The following SWAP70 variants were observed in gnomAD, a reference collection of about 807,000 sequenced individuals.
The protein encoded by SWAP70 is switching B cell complex subunit SWAP70.
Under a neutral mutation model 80.2 loss-of-function variants are expected in SWAP70, and 34 were observed. The ratio of observed to expected loss-of-function variants is 0.42; its 90% CI spans 0.32 to 0.56. SWAP70 has a LOEUF of 0.56. Among genes scored for constraint, SWAP70 ranks in the 20% least tolerant of loss-of-function variants. The pLI is 0.09. For synonymous variants in SWAP70, 239 were observed against 238.5 expected, an observed-to-expected ratio of 1.00 and a Z score of -0.02; for missense variants, 578 against 690.7, an observed-to-expected ratio of 0.84 and a Z score of 1.83.
At chr11:9,702,368 C>T (rs1253962955) in intron 2 of SWAP70, among the ~76,000 whole-genome samples, 3 of 147,594 alleles carry the variant, frequency 2.0e-5, no homozygotes, top group South Asian at 2.1e-4. Context: ...GTTATTTTTT[C>T]GTTCATTGTT....
At chr11:9,743,507 G>C (rs1851469926) in intron 9 of SWAP70, among the ~76,000 whole-genome samples, 1 of 151,228 alleles carries the variant, frequency 6.6e-6, no homozygotes, top group South Asian at 2.1e-4. Flanking sequence ...CTAGTTTACA[G>C]TCCCACCAAC....
intron 9 of SWAP70, among the ~76,000 whole-genome samples, chr11:9,746,364 T>C (rs1230610432): frequency 1.3e-5 from 2 of 152,180 alleles, no homozygotes; most frequent in African/African-American, 2.4e-5. Flanking sequence ...CTCCATACTT[T>C]TACCACTAGA....
chr11:9,711,895 C>T (rs1851003485), intron 2 of SWAP70, among the ~76,000 whole-genome samples: 1 of 152,180 alleles, frequency 6.6e-6, no homozygotes, highest in Admixed American at 6.5e-5. Context: ...CTTAGTTATA[C>T]CACCCTCCAG....
At chr11:9,672,040 ATT>A (rs1442019964) in intron 1 of SWAP70, among the ~76,000 whole-genome samples, 1 of 122,374 alleles carries the variant, frequency 8.2e-6, no homozygotes, top group Non-Finnish European at 1.6e-5. Context: ...TTAATAATAT[ATT>A]TTATATAATA....
At chr11:9,684,046 A>G (rs1850601179) in intron 1 of SWAP70, among the ~76,000 whole-genome samples, 1 of 151,766 alleles carries the variant, frequency 6.6e-6, no homozygotes, top group Non-Finnish European at 1.5e-5. Flanking sequence ...ATTTCTGTAT[A>G]TTTTAATGAC....
chr11:9,720,267 A>G (rs913416795), intron 3 of SWAP70: 31 of 985,294 alleles, frequency 3.1e-5, no homozygotes, highest in Non-Finnish European at 3.5e-5. Flanking sequence ...TGTCTGGCAC[A>G]GTCACTGGGA....
intron 9 of SWAP70, among the ~76,000 whole-genome samples, chr11:9,747,106 T>A (rs767699811): frequency 6.6e-6 from 1 of 152,244 alleles, no homozygotes; most frequent in Admixed American, 6.5e-5. Flanking sequence ...GTTAGTTTAT[T>A]TAAACAACTA....
At chr11:9,694,032 A>T in intron 1 of SWAP70, 114 bp from the exon 2 acceptor site, 2 of 1,314,398 alleles carry the variant, frequency 1.5e-6, no homozygotes, top group Admixed American at 5.4e-5. Context: ...TGTTTTTGCT[A>T]GTTTATTTTC....
rs570435376 is a variant in SWAP70, at chr11:9,727,840, G to A, written c.643-213G>A. 1.7e-3 allele frequency among the ~76,000 whole-genome samples: 264 copies of A among 152,274 alleles called. 1 individual carries two copies. The highest frequency in any genetic ancestry group is 3.5e-3 in the African/African-American group (147 of 41,550). ...ACTTTGGGGAGGGGTTGTCTCTGAAGTGTCTGAAATTATATGCAAATTTTT... is the reference window on the plus strand; with the variant it reads ...ACTTTGGGGAGGGGTTGTCTCTGAAATGTCTGAAATTATATGCAAATTTTT... On this transcript the variant is annotated intron_variant, in intron 4 of 11. Coordinates refer to ENST00000318950, the MANE Select transcript of SWAP70 (RefSeq NM_015055.4).
intron 3 of SWAP70, among the ~76,000 whole-genome samples, chr11:9,714,060 C>T (rs1851033983): frequency 6.6e-6 from 1 of 152,104 alleles, no homozygotes; most frequent in African/African-American, 2.4e-5. Context: ...TTTCAAAGTC[C>T]AGGGTGATGA....
At position 9,750,823 on chromosome 11, in the gene SWAP70, T is replaced by G. The variant is rs889283330; in HGVS notation, c.*853T>G. On this transcript the variant is annotated 3_prime_UTR_variant, in exon 12 of 12. Coordinates refer to ENST00000318950, the MANE Select transcript of SWAP70 (RefSeq NM_015055.4). ...AAGTCATGGAGTCATTGCCATTTCCTGGTTGCCCTTTTGGAATGTGATCCT... is the reference window on the plus strand; with the variant it reads ...AAGTCATGGAGTCATTGCCATTTCCGGGTTGCCCTTTTGGAATGTGATCCT... 2 of 152,264 alleles carry G rather than the reference T, an allele frequency of 1.3e-5. No homozygotes were observed. The highest frequency in any genetic ancestry group is 4.8e-5 in the African/African-American group (2 of 41,472). 9.4% of individuals were successfully genotyped at this position (152,264 alleles called of 1,614,324 possible). A position where few individuals can be genotyped will look rare whatever the true frequency, so the allele number is the denominator to read the frequency against.
At chr11:9,694,024 T>C in intron 1 of SWAP70, 122 bp from the exon 2 acceptor site, 2 of 1,261,764 alleles carry the variant, frequency 1.6e-6, no homozygotes, top group Non-Finnish European at 2.1e-6. Context: ...CCTCACCCTG[T>C]TTTTGCTAGT....
chr11:9,692,655 T>C (rs1850711095), intron 1 of SWAP70, among the ~76,000 whole-genome samples: 1 of 152,298 alleles, frequency 6.6e-6, no homozygotes, highest in Admixed American at 6.5e-5. Flanking sequence ...TCTTTAATAC[T>C]TGTATTTCCA....
chr11:9,718,783 A>ATT (rs11428515), intron 3 of SWAP70, among the ~76,000 whole-genome samples: 8 of 151,494 alleles, frequency 5.3e-5, no homozygotes, highest in Non-Finnish European at 1.0e-4. Flanking sequence ...TTTAAGAAAG[A>ATT]TTTTTTTTTA....
chr11:9,677,743 C>G (rs1384223142), intron 1 of SWAP70, among the ~76,000 whole-genome samples: 2 of 152,032 alleles, frequency 1.3e-5, no homozygotes, highest in Non-Finnish European at 2.9e-5. Context: ...TTTAGAAATA[C>G]AGCTTTAAAA....
In SWAP70 at chr11:9,750,915, T is replaced by A. The variant is rs1798833953; in HGVS notation, c.*945T>A. ...CCTAACCATCATACACTTGGCATGTTTCATTCCCATCTCCTTTCCCCTCAC... is the reference window on the plus strand; with the variant it reads ...CCTAACCATCATACACTTGGCATGTATCATTCCCATCTCCTTTCCCCTCAC... On this transcript the variant is annotated 3_prime_UTR_variant, in exon 12 of 12. Transcript: ENST00000318950. 1 of 152,174 alleles carries A rather than the reference T, an allele frequency of 6.6e-6. No individual in the cohort carries two copies. Among genetic ancestry groups the A allele is most frequent in the Admixed American group, 6.6e-5 (1 of 15,266 alleles). The allele number at this position is 152,174 out of a possible 1,614,324, so 9.4% of individuals were successfully genotyped here.
chr11:9,704,381 T>A (rs4910490), intron 2 of SWAP70, among the ~76,000 whole-genome samples: 115,666 of 146,284 alleles, frequency 0.79, 45,379 homozygotes, highest in East Asian at 0.99. Flanking sequence ...TTTTTTTTTT[T>A]AATTTTTATT....
intron 1 of SWAP70, among the ~76,000 whole-genome samples, chr11:9,678,131 A>G (rs1437224170): frequency 1.3e-5 from 2 of 152,234 alleles, no homozygotes; most frequent in Non-Finnish European, 2.9e-5. Flanking sequence ...CATGTATAGT[A>G]TTCCCTTCCT....
intron 6 of SWAP70, among the ~76,000 whole-genome samples, chr11:9,729,958 A>G (rs1183593599): frequency 6.6e-6 from 1 of 152,232 alleles, no homozygotes; most frequent in Non-Finnish European, 1.5e-5. Context: ...TGGGTAAATT[A>G]TAAATGGGAG....
Sources: gnomAD v4.1 joint callset for allele counts (sites outside exome capture counted in the v4.1 genomes callset) on GRCh38, gnomAD v4.1.1 for gene constraint, MANE v1.5 for transcripts, NCBI Gene and HGNC (gene_info 2026-07-23, HGNC 2026-07-21) for gene names.